The following TBCE variants were observed in gnomAD, a reference collection of about 807,000 sequenced individuals.
TBCE encodes tubulin-specific chaperone E.
A neutral mutation model predicts 77.0 loss-of-function variants in TBCE; 53 were observed. The observed-to-expected ratio is 0.69, with a 90% CI of 0.55 to 0.87. TBCE has a LOEUF of 0.87. Among genes scored for constraint, TBCE ranks in the 40% least tolerant of loss-of-function variants. TBCE has a pLI of 0.00. For missense variants in TBCE, 624 were observed against 622.4 expected (o/e 1.00, Z -0.03); for synonymous variants, 235 against 241.3 (o/e 0.97, Z 0.24).
At chr1:235,410,293 A>G (rs1364586053) in intron 3 of TBCE, among the ~76,000 whole-genome samples, 3 of 152,198 alleles carry the variant, frequency 2.0e-5, no homozygotes, top group African/African-American at 7.2e-5. Flanking sequence ...CTCCATAGGC[A>G]GAACAGTCCC....
intron 7 of TBCE, among the ~76,000 whole-genome samples, chr1:235,431,344 A>G (rs1476282598): frequency 6.7e-6 from 1 of 148,388 alleles, no homozygotes; most frequent in Non-Finnish European, 1.5e-5. Flanking sequence ...GACTTCACAC[A>G]CCCAGAGCAT....
At chr1:235,436,363 A>T in intron 9 of TBCE, 23 bp from the exon 10 acceptor site, 1 of 1,608,494 alleles carries the variant, frequency 6.2e-7, no homozygotes, top group Non-Finnish European at 8.5e-7. Flanking sequence ...CTGTGTAATC[A>T]AATTGTACAT....
chr1:235,386,033 A>G (rs1391859483), intron 2 of TBCE, among the ~76,000 whole-genome samples: 2 of 151,992 alleles, frequency 1.3e-5, no homozygotes, highest in Non-Finnish European at 2.9e-5. Flanking sequence ...ATCTCTCAGT[A>G]TTTGCTTGTC....
chr1:235,382,217 T>A (rs1362420810), intron 2 of TBCE, among the ~76,000 whole-genome samples: 1 of 150,984 alleles, frequency 6.6e-6, no homozygotes, highest in East Asian at 1.9e-4. Context: ...TCTATCATTG[T>A]TGGACATTTG....
intron 2 of TBCE, among the ~76,000 whole-genome samples, chr1:235,381,541 G>T (rs546883625): frequency 1.3e-5 from 2 of 151,748 alleles, no homozygotes; most frequent in African/African-American, 4.8e-5. Context: ...AAAATTAGCC[G>T]GATGTGGTGG....
chr1:235,418,446 C>A (rs1446681738), intron 4 of TBCE: 1 of 152,158 alleles, frequency 6.6e-6, no homozygotes, highest in Admixed American at 6.6e-5. Context: ...ATTATGTATG[C>A]GGATTCTTTT....
rs1572474830 is a variant in TBCE at position 235,450,424 on chromosome 1, T to C, written c.*1662T>C. ...AAAGTATGCACGTAGACAGCTTTTATGTATTCTAATGATGCTGAAATTATT... is the reference window on the plus strand; with the variant it reads ...AAAGTATGCACGTAGACAGCTTTTACGTATTCTAATGATGCTGAAATTATT... On this transcript the variant is annotated 3_prime_UTR_variant, in exon 17 of 17. Transcript: ENST00000642610. 1 of 1,444,558 alleles carries C rather than the reference T, an allele frequency of 6.9e-7. No individual in the cohort carries two copies. Among genetic ancestry groups the C allele is most frequent in the East Asian group, 2.3e-5 (1 of 43,566 alleles). The allele number at this position is 1,444,558 out of a possible 1,614,324, so 89.5% of individuals were successfully genotyped here.
intron 3 of TBCE, among the ~76,000 whole-genome samples, chr1:235,408,666 C>A (rs1679604630): frequency 6.6e-6 from 1 of 152,178 alleles, no homozygotes; most frequent in Admixed American, 6.6e-5. Flanking sequence ...GCTTTACTCA[C>A]AGGAAAACAA....
rs901008988 is a variant in TBCE at position 235,451,497 on chromosome 1, G to A, written c.*2735G>A. The A allele has an allele frequency of 3.6e-5, 5 of 138,620 alleles. No homozygotes were observed. Among genetic ancestry groups the A allele is most frequent in the Admixed American group, 2.9e-4 (4 of 13,998 alleles). 8.6% of individuals were successfully genotyped at this position (138,620 alleles called of 1,614,324 possible). A position where few individuals can be genotyped will look rare whatever the true frequency, so the allele number is the denominator to read the frequency against. ...CAAAAAAAAAAAAAAAAAAAAGACC[G>A]CATCAGAAAACAAGCGCCATGAACA... On this transcript the variant is annotated 3_prime_UTR_variant, in exon 17 of 17. Transcript: ENST00000642610.
chr1:235,392,441 G>T (rs900646832), intron 2 of TBCE, among the ~76,000 whole-genome samples: 2 of 129,650 alleles, frequency 1.5e-5, no homozygotes, highest in South Asian at 2.4e-4. Context: ...ACAGAGTCTC[G>T]CTCTTGTTGC....
intron 3 of TBCE, among the ~76,000 whole-genome samples, chr1:235,407,354 G>A (rs1438874072): frequency 1.3e-5 from 2 of 152,000 alleles, no homozygotes; most frequent in Admixed American, 1.3e-4. Flanking sequence ...CCAAAGTGCT[G>A]GGATTACAGG....
At chr1:235,432,914 TA>T in intron 7 of TBCE, 2 of 1,013,034 alleles carry the variant, frequency 2.0e-6, no homozygotes, top group Non-Finnish European at 2.5e-6. Context: ...TAATTTTTTG[TA>T]ATTTTTTTTT....
At chr1:235,443,736 A>C (rs920587884) in intron 15 of TBCE, among the ~76,000 whole-genome samples, 1 of 152,196 alleles carries the variant, frequency 6.6e-6, no homozygotes, top group South Asian at 2.1e-4. Context: ...TGCAAAAACA[A>C]TTCGCAGATG....
chr1:235,388,647 A>C (rs560869845), intron 2 of TBCE, among the ~76,000 whole-genome samples: 1 of 152,266 alleles, frequency 6.6e-6, no homozygotes, highest in African/African-American at 2.4e-5. Flanking sequence ...ATGTTGCCAA[A>C]TTGTTGTCTG....
intron 5 of TBCE, chr1:235,423,819 G>C (rs1462538625): frequency 6.6e-6 from 1 of 152,362 alleles, no homozygotes; most frequent in Non-Finnish European, 1.5e-5. Context: ...CTGTTTACGA[G>C]GGTAGACCCC....
rs116861829 is a variant in TBCE, at chr1:235,402,589, G to A, written c.185+1002G>A. Among the ~76,000 whole-genome samples, 867 of 152,188 alleles carry A rather than the reference G, an allele frequency of 5.7e-3. 9 individuals carry two copies. The highest frequency in any genetic ancestry group is 0.033 in the East Asian group (170 of 5,170). ...ACAATACTGCCCTGGAAATCAGGGG[G>A]CCTCTAGCCTGTTTTTAACAGTCTT... On this transcript the variant is annotated intron_variant, in intron 3 of 16. Coordinates refer to ENST00000642610, the MANE Select transcript of TBCE (RefSeq NM_003193.5).
intron 11 of TBCE, among the ~76,000 whole-genome samples, chr1:235,436,956 TAA>T (rs758098766): frequency 3.0e-5 from 4 of 131,248 alleles, no homozygotes; most frequent in Admixed American, 7.6e-5. Flanking sequence ...CCATCTCTAC[TAA>T]AAAAAAAAAA....
intron 15 of TBCE, among the ~76,000 whole-genome samples, chr1:235,446,056 A>G (rs1476481467): frequency 6.6e-6 from 1 of 152,212 alleles, no homozygotes; most frequent in Admixed American, 6.5e-5. Context: ...TCAGTACCAC[A>G]TGTGGCTGCC....
intron 13 of TBCE, 151 bp from the exon 14 acceptor site, chr1:235,441,663 T>TA: frequency 4.4e-6 from 3 of 688,228 alleles, no homozygotes; most frequent in African/African-American, 1.8e-5. Flanking sequence ...CCATCACTCC[T>TA]AAAAATCACA....
Sources: gnomAD v4.1 joint callset for allele counts (sites outside exome capture counted in the v4.1 genomes callset) on GRCh38, gnomAD v4.1.1 for gene constraint, MANE v1.5 for transcripts, NCBI Gene and HGNC (gene_info 2026-07-23, HGNC 2026-07-21) for gene names.